RPIA: variants seen among roughly 807,000 people sequenced by gnomAD.
RPIA encodes the protein ribose 5-phosphate isomerase A, also known as ribose-5-phosphate isomerase.
A neutral mutation model predicts 37.8 loss-of-function variants in RPIA; 29 were observed. The ratio of observed to expected loss-of-function variants is 0.77; its 90% CI spans 0.57 to 1.05. The LOEUF (loss-of-function observed/expected upper bound fraction) is 1.05. Ranked by LOEUF, RPIA falls within the 50% of genes least tolerant of loss-of-function variation. RPIA has a pLI of 0.00. For synonymous variants in RPIA, 167 were observed against 157.0 expected (o/e 1.06, Z -0.48); for missense variants, 385 against 413.6 (o/e 0.93, Z 0.60).
chr2:88,750,231 C>T lies in RPIA; in HGVS notation c.*153C>T. 3 of 617,346 alleles carry T rather than the reference C, an allele frequency of 4.9e-6. No homozygotes were observed. The highest frequency in any genetic ancestry group is 8.9e-6 in the Non-Finnish European group (3 of 337,584). 38.2% of individuals were successfully genotyped at this position (617,346 alleles called of 1,614,324 possible). On this transcript the variant is annotated 3_prime_UTR_variant, in exon 9 of 9. Transcript: ENST00000283646. ...AGTGGGAGGGGGAGTTAAATCCAGTCTTATGAAGTATTGTTATTAAATGTC... is the reference window on the plus strand; with the variant it reads ...AGTGGGAGGGGGAGTTAAATCCAGTTTTATGAAGTATTGTTATTAAATGTC...
intron 3 of RPIA, among the ~76,000 whole-genome samples, chr2:88,721,818 C>A (rs940968510): frequency 6.6e-6 from 1 of 150,648 alleles, no homozygotes; most frequent in Non-Finnish European, 1.5e-5. Flanking sequence ...TAATTAAAAT[C>A]TCTAATAATT....
chr2:88,693,015 CTGAT>C (rs1676963755), intron 1 of RPIA, among the ~76,000 whole-genome samples: 1 of 152,026 alleles, frequency 6.6e-6, no homozygotes, highest in Admixed American at 6.6e-5. Context: ...TGTTGTAAGT[CTGAT>C]TGGCAATAGG....
intron 3 of RPIA, among the ~76,000 whole-genome samples, chr2:88,708,190 A>G (rs1672919092): frequency 6.6e-6 from 1 of 152,216 alleles, no homozygotes; most frequent in East Asian, 1.9e-4. Flanking sequence ...GTTGTCTATC[A>G]GGTCTTGTCT....
At chr2:88,722,298 G>T (rs74645964) in intron 3 of RPIA, among the ~76,000 whole-genome samples, 33 of 151,816 alleles carry the variant, frequency 2.2e-4, no homozygotes, top group Non-Finnish European at 4.3e-4. Flanking sequence ...ATTTTTGAAA[G>T]AATATTTTCC....
At chr2:88,708,856 A>C (rs961021324) in intron 3 of RPIA, among the ~76,000 whole-genome samples, 1 of 149,068 alleles carries the variant, frequency 6.7e-6, no homozygotes, top group Admixed American at 6.8e-5. Flanking sequence ...TCCTGGGTTC[A>C]TGCCGTACTC....
chr2:88,740,308 G>T (rs1455092539), intron 8 of RPIA, among the ~76,000 whole-genome samples: 3 of 152,146 alleles, frequency 2.0e-5, no homozygotes, highest in Admixed American at 2.0e-4. Flanking sequence ...TAGAAGCTGC[G>T]TCCTAAAGAC....
chr2:88,732,750 A>AT (rs1330533816), intron 4 of RPIA, among the ~76,000 whole-genome samples: 1 of 11,904 alleles, frequency 8.4e-5, no homozygotes, highest in East Asian at 7.3e-4. Context: ...AAAAAAAAAA[A>AT]AAAAAAAAAA....
chr2:88,710,816 A>G (rs1391270408), intron 3 of RPIA, among the ~76,000 whole-genome samples: 2 of 152,200 alleles, frequency 1.3e-5, no homozygotes, highest in African/African-American at 4.8e-5. Flanking sequence ...TCTGCACCAG[A>G]TTAAGAATGT....
intron 3 of RPIA, among the ~76,000 whole-genome samples, chr2:88,702,851 G>A (rs570729059): frequency 1.3e-5 from 2 of 152,306 alleles, no homozygotes; most frequent in African/African-American, 4.8e-5. Flanking sequence ...GACAAGGCAA[G>A]TCACTTCAGC....
At chr2:88,720,610 T>C (rs2104109798) in intron 3 of RPIA, among the ~76,000 whole-genome samples, 1 of 148,904 alleles carries the variant, frequency 6.7e-6, no homozygotes, top group South Asian at 2.1e-4. Flanking sequence ...CATTATTAAA[T>C]ATAGTTTAAA....
chr2:88,746,798 T>C lies in RPIA; in HGVS notation c.839-3183T>C, dbSNP rs568822427. On this transcript the variant is annotated intron_variant, in intron 8 of 8. Coordinates refer to ENST00000283646, the MANE Select transcript of RPIA (RefSeq NM_144563.3). ...CAGGATCTCTGGTTAGCCAGGATGT[T>C]GCAGGCGGTGGAATTAGCTGTTGTT... 6.0e-4 allele frequency among the ~76,000 whole-genome samples: 91 copies of C among 152,346 alleles called. 1 individual carries two copies. The highest frequency in any genetic ancestry group is 2.2e-3 in the African/African-American group (91 of 41,576).
Position 88,691,765 on chromosome 2 carries a change from G to A in RPIA, c.67G>A (p.Gly23Arg), listed in dbSNP as rs745429253. 1.9e-6 allele frequency: 3 copies of A among 1,593,038 alleles called. No individual in the cohort carries two copies. Among genetic ancestry groups the A allele is most frequent in the Non-Finnish European group, 2.6e-6 (3 of 1,174,104 alleles). The change falls in exon 1 of 9, where the codon GGG becomes AGG. Residue 23 changes from glycine to arginine, a missense_variant. By Grantham distance (125) the Gly-to-Arg change is moderately radical. Transcript: ENST00000283646. ...CTTGGCCCCGCTGCCCGGGAGGGCC[G>A]GGGGCGCGGCCTCCGGCGGAGGAGG... ...RVLAPLPGRA[G>R]GAASGGGGNS...
At position 88,700,557 on chromosome 2, in the gene RPIA, C is replaced by T. The variant is rs776886160; in HGVS notation, c.402+493C>T. Among the ~76,000 whole-genome samples, 8 of 152,100 alleles carry T rather than the reference C, an allele frequency of 5.3e-5. No individual in the cohort carries two copies. In the South Asian group the frequency reaches 1.0e-3, roughly 20 times the overall value. ...GTTCCAACTATGTAGGAGGCTGAGGCGGGAGGATCTCCCTTGAGCCCAGGA... is the reference window on the plus strand; with the variant it reads ...GTTCCAACTATGTAGGAGGCTGAGGTGGGAGGATCTCCCTTGAGCCCAGGA... On this transcript the variant is annotated intron_variant, in intron 3 of 8. Coordinates refer to ENST00000283646, the MANE Select transcript of RPIA (RefSeq NM_144563.3).
chr2:88,700,215 C>T (rs749253734), intron 3 of RPIA, 151 bp downstream of exon 3: 19 of 780,144 alleles, frequency 2.4e-5, no homozygotes, highest in Non-Finnish European at 4.1e-5. Context: ...AGGATTCCTT[C>T]TTGGAATTGT....
chr2:88,704,113 C>A (rs1672869608), intron 3 of RPIA, among the ~76,000 whole-genome samples: 1 of 152,214 alleles, frequency 6.6e-6, no homozygotes. Context: ...GGCCATTCAA[C>A]AAGTCTCCAA....
intron 2 of RPIA, among the ~76,000 whole-genome samples, 162 bp downstream of exon 2, chr2:88,698,706 C>T (rs1672789675): frequency 2.6e-5 from 4 of 152,274 alleles, no homozygotes; most frequent in South Asian, 2.1e-4. Flanking sequence ...TGTTTCTGCT[C>T]TTTTGTGGAG....
chr2:88,743,095 G>A (rs923482793), intron 8 of RPIA, among the ~76,000 whole-genome samples: 10 of 152,146 alleles, frequency 6.6e-5, no homozygotes, highest in African/African-American at 2.4e-4. Flanking sequence ...TATGTGAAAC[G>A]GGGTATCCTT....
chr2:88,747,183 G>A (rs149291956), intron 8 of RPIA, among the ~76,000 whole-genome samples: 119 of 152,200 alleles, frequency 7.8e-4, no homozygotes, highest in African/African-American at 2.7e-3. Flanking sequence ...GTTCCCAGGG[G>A]GATTATGGCT....
chr2:88,705,544 T>A (rs538257578), intron 3 of RPIA, among the ~76,000 whole-genome samples: 9 of 152,144 alleles, frequency 5.9e-5, no homozygotes, highest in Admixed American at 5.9e-4. Context: ...TTACAACTTA[T>A]ATGAAAATTA....
Sources: gnomAD v4.1 joint callset for allele counts (sites outside exome capture counted in the v4.1 genomes callset) on GRCh38, gnomAD v4.1.1 for gene constraint, MANE v1.5 for transcripts, NCBI Gene and HGNC (gene_info 2026-07-23, HGNC 2026-07-21) for gene names.